Variants in KAZN observed in about 807,000 individuals in gnomAD.
The protein encoded by KAZN is kazrin.
KAZN carries 40 observed loss-of-function variants against 87.4 expected under a neutral mutation model. That is an observed-to-expected ratio of 0.46 (90% CI 0.36 to 0.60). The LOEUF is 0.60. Among genes scored for constraint, KAZN ranks in the 20% least tolerant of loss-of-function variants. KAZN has a pLI of 0.00. For missense variants in KAZN, 898 were observed against 1,073.9 expected (o/e 0.84, Z 2.29); for synonymous variants, 466 against 458.3 (o/e 1.02, Z -0.22).
intron 2 of KAZN, among the ~76,000 whole-genome samples, chr1:14,556,322 G>C (rs1673871233): frequency 6.6e-6 from 1 of 151,558 alleles, no homozygotes; most frequent in Non-Finnish European, 1.5e-5. Context: ...TGTTATCCAG[G>C]ATGGTCTCGA....
chr1:13,929,157 C>T (rs1213694430), intron 1 of KAZN, among the ~76,000 whole-genome samples: 3 of 149,582 alleles, frequency 2.0e-5, no homozygotes, highest in Non-Finnish European at 4.4e-5. Context: ...TGGGCTCAGG[C>T]AATCTTTCCA....
intron 1 of KAZN, among the ~76,000 whole-genome samples, chr1:14,113,700 C>A (rs569890939): frequency 6.6e-6 from 1 of 152,196 alleles, no homozygotes; most frequent in Non-Finnish European, 1.5e-5. Context: ...TTCCTGACCA[C>A]GGTGCTGGGG....
chr1:15,010,312 A>G (rs1016863182), intron 2 of KAZN, among the ~76,000 whole-genome samples: 1 of 146,080 alleles, frequency 6.8e-6, no homozygotes, highest in African/African-American at 2.5e-5. Context: ...TTCTTTACTG[A>G]TTTTTTTGAA....
chr1:14,222,040 C>T (rs1413237419), intron 2 of KAZN: 2 of 152,146 alleles, frequency 1.3e-5, no homozygotes, highest in African/African-American at 4.8e-5. Flanking sequence ...GCTTTCTTCT[C>T]TTGGCATCAT....
intron 1 of KAZN, among the ~76,000 whole-genome samples, chr1:14,758,959 G>GGA (rs998208831): frequency 2.0e-5 from 3 of 152,046 alleles, no homozygotes; most frequent in African/African-American, 7.2e-5. Context: ...TGGAGAAAGA[G>GGA]GAGAGAGAGA....
intron 2 of KAZN, among the ~76,000 whole-genome samples, chr1:14,970,140 T>C (rs1414077045): frequency 6.6e-6 from 1 of 152,216 alleles, no homozygotes; most frequent in Admixed American, 6.5e-5. Context: ...AAATAATTAA[T>C]AATCATCATC....
Position 14,089,611 on chromosome 1 carries a change from G to A in KAZN, c.92-90824G>A, listed in dbSNP as rs144910687. ...CTACTGTTATCATTCATTTTACACT[G>A]CATGTGGTCTAAACTCCACAGTACG... On this transcript the variant is annotated intron_variant, in intron 1 of 16. Coordinates refer to the KAZN transcript ENST00000636203. Among the ~76,000 whole-genome samples, 996 of 152,164 alleles carry A rather than the reference G, an allele frequency of 6.5e-3. 10 individuals are homozygous for A. In the South Asian group the frequency reaches 0.066, roughly 10 times the overall value.
intron 2 of KAZN, among the ~76,000 whole-genome samples, chr1:14,198,098 TTC>T (rs1314395195): frequency 6.6e-6 from 1 of 151,838 alleles, no homozygotes; most frequent in Non-Finnish European, 1.5e-5. Flanking sequence ...GCATTTCGAG[TTC>T]TCAAGCATAA....
chr1:14,605,144 A>G (rs1677261072), intron 1 of KAZN, among the ~76,000 whole-genome samples: 1 of 152,236 alleles, frequency 6.6e-6, no homozygotes, highest in Non-Finnish European at 1.5e-5. Flanking sequence ...ATGCCACAAG[A>G]CGCTGGGGAT....
Position 13,973,793 on chromosome 1 carries a change from A to G in KAZN, c.91+80037A>G, listed in dbSNP as rs562034947. ...AGCTTTAACACCAGCCCTATCACAA[A>G]TGGGCTGTGTGATCTCCATCCTGGG... is the stretch of plus-strand genomic sequence containing the variant. On this transcript the variant is annotated intron_variant, in intron 1 of 16. Coordinates refer to the KAZN transcript ENST00000636203. Among the ~76,000 whole-genome samples the G allele has an allele frequency of 3.3e-5, 5 of 152,322 alleles. No homozygotes were observed. In the East Asian group the frequency reaches 7.7e-4, roughly 23 times the overall value.
At chr1:14,824,423 A>C (rs1646824298) in intron 1 of KAZN, among the ~76,000 whole-genome samples, 1 of 152,190 alleles carries the variant, frequency 6.6e-6, no homozygotes, top group Non-Finnish European at 1.5e-5. Flanking sequence ...AATGATAACC[A>C]ATTATGATGT....
chr1:14,810,921 C>T (rs897580945), intron 1 of KAZN, among the ~76,000 whole-genome samples: 1 of 152,206 alleles, frequency 6.6e-6, no homozygotes, highest in Admixed American at 6.5e-5. Flanking sequence ...AGCACCATGG[C>T]CAGCTTGTCC....
At chr1:13,902,253 C>T (rs1478601987) in intron 1 of KAZN, among the ~76,000 whole-genome samples, 1 of 152,228 alleles carries the variant, frequency 6.6e-6, no homozygotes, top group Non-Finnish European at 1.5e-5. Context: ...TCTGAAAGTG[C>T]TGGGATTAAA....
chr1:14,624,874 A>T (rs184787017), intron 1 of KAZN, among the ~76,000 whole-genome samples: 1 of 152,262 alleles, frequency 6.6e-6, no homozygotes, highest in East Asian at 1.9e-4. Context: ...CAACAGCAAA[A>T]GACCTTATCG....
chr1:14,009,006 C>T (rs1324062588), intron 1 of KAZN, among the ~76,000 whole-genome samples: 1 of 152,158 alleles, frequency 6.6e-6, no homozygotes, highest in Non-Finnish European at 1.5e-5. Context: ...GTTCTATTTT[C>T]TGTCTCTATG....
In KAZN at chr1:15,101,846, TCATCTGTCCACCCACTACCCGTCTATC is replaced by T. The variant is rs1224129134; in HGVS notation, c.1779+87_1779+113del. 9 of 997,362 alleles carry T rather than the reference TCATCTGTCCACCCACTACCCGTCTATC, an allele frequency of 9.0e-6. No individual in the cohort carries two copies. In the East Asian group the frequency reaches 2.1e-4, roughly 23 times the overall value. The allele number at this position is 997,362 out of a possible 1,614,324, so 61.8% of individuals were successfully genotyped here. A position where few individuals can be genotyped will look rare whatever the true frequency, so the allele number is the denominator to read the frequency against. On this transcript the variant is annotated intron_variant, in intron 11 of 14. Coordinates refer to ENST00000376030, the MANE Select transcript of KAZN (RefSeq NM_201628.3). ...TCCCCTCTTGGCATCTACTGTCTGTTCATCTGTCCACCCACTACCCGTCTATCCATCTGTCCACCCATCCATCCATCA... is the reference window on the plus strand; with the variant it reads ...TCCCCTCTTGGCATCTACTGTCTGTTCATCTGTCCACCCATCCATCCATCA...
At chr1:14,671,984 G>A (rs899610557) in intron 1 of KAZN, among the ~76,000 whole-genome samples, 4 of 152,146 alleles carry the variant, frequency 2.6e-5, no homozygotes, top group African/African-American at 7.2e-5. Flanking sequence ...ACAAAAACAC[G>A]TTCTAATTAT....
intron 10 of KAZN, 82 bp from the exon 11 acceptor site, chr1:15,101,461 C>T (rs1442669850): frequency 6.7e-6 from 6 of 893,842 alleles, no homozygotes; most frequent in Non-Finnish European, 8.9e-6. Context: ...CCTCTCTCTG[C>T]ATCTCCACCC....
chr1:14,658,615 TA>T (rs1638949805), intron 1 of KAZN, among the ~76,000 whole-genome samples: 1 of 152,172 alleles, frequency 6.6e-6, no homozygotes, highest in East Asian at 1.9e-4. Flanking sequence ...TATGTATATA[TA>T]TATATGACAA....
Sources: gnomAD v4.1 joint callset for allele counts (sites outside exome capture counted in the v4.1 genomes callset) on GRCh38, gnomAD v4.1.1 for gene constraint, MANE v1.5 for transcripts, NCBI Gene and HGNC (gene_info 2026-07-23, HGNC 2026-07-21) for gene names.